Variants in ATXN3 observed in about 807,000 individuals in gnomAD.
The protein encoded by ATXN3 is ataxin 3, also known as ataxin-3.
Under a neutral mutation model 58.2 loss-of-function variants are expected in ATXN3, and 28 were observed. The observed-to-expected ratio is 0.48, with a 90% CI of 0.36 to 0.66. The LOEUF is 0.66. Among genes scored for constraint, ATXN3 ranks in the 30% least tolerant of loss-of-function variants. ATXN3 has a pLI of 0.00. For missense variants in ATXN3, 321 were observed against 422.1 expected (o/e 0.76, Z 2.10); for synonymous variants, 113 against 138.5 (o/e 0.82, Z 1.29).
At chr14:92,104,120 G>A (rs1347826455) in intron 1 of ATXN3, among the ~76,000 whole-genome samples, 1 of 152,208 alleles carries the variant, frequency 6.6e-6, no homozygotes, top group Non-Finnish European at 1.5e-5. Context: ...TACACATGCT[G>A]ATAATTAAGA....
chr14:92,083,705 A>G (rs1425632165), intron 6 of ATXN3, among the ~76,000 whole-genome samples: 1 of 152,102 alleles, frequency 6.6e-6, no homozygotes, highest in African/African-American at 2.4e-5. Context: ...CCTTCCTGTG[A>G]TGGTTAATAT....
Position 92,060,268 on chromosome 14 carries a change from A to ATTTTTT in ATXN3, c.*4051_*4052insAAAAAA, listed in dbSNP as rs1449511510. 1.6e-4 allele frequency: 17 copies of ATTTTTT among 105,180 alleles called. No individual in the cohort carries two copies. The highest frequency in any genetic ancestry group is 4.6e-4 in the East Asian group (2 of 4,340). 6.5% of individuals were successfully genotyped at this position (105,180 alleles called of 1,614,324 possible). A position where few individuals can be genotyped will look rare whatever the true frequency, so the allele number is the denominator to read the frequency against. On this transcript the variant is annotated 3_prime_UTR_variant, in exon 11 of 11. Coordinates refer to ENST00000644486, the MANE Select transcript of ATXN3 (RefSeq NM_004993.6). The stretch of plus-strand genomic sequence containing the variant: ...TACACACATATATATATATATATAT[A>ATTTTTT]TATTTTTTTTTTTCAGAAACAGTGT...
At chr14:92,096,430 C>G in intron 2 of ATXN3, 1 of 861,094 alleles carries the variant, frequency 1.2e-6, no homozygotes, top group Non-Finnish European at 1.7e-6. Flanking sequence ...TGAGACCAAC[C>G]TGACCAACAT....
At chr14:92,045,804 A>G (rs2057424906) in intron 2 of ATXN3, among the ~76,000 whole-genome samples, 1 of 152,180 alleles carries the variant, frequency 6.6e-6, no homozygotes, top group South Asian at 2.1e-4. Context: ...GTGTGAGAAG[A>G]GATTGATAGG....
At chr14:92,046,818 C>T (rs969899103) in intron 2 of ATXN3, among the ~76,000 whole-genome samples, 5 of 152,128 alleles carry the variant, frequency 3.3e-5, no homozygotes, top group Non-Finnish European at 7.3e-5. Context: ...CAGACATGAT[C>T]AGCAGGGAGA....
intron 1 of ATXN3, among the ~76,000 whole-genome samples, chr14:92,106,131 G>A (rs1359545252): frequency 1.3e-5 from 2 of 152,190 alleles, no homozygotes; most frequent in Non-Finnish European, 2.9e-5. Flanking sequence ...GGGTAGGAGG[G>A]GTTGAGGGAG....
chr14:92,071,026 C>CTGCTGCTGCTGCTGCTGCTGCTGCTGA lies in ATXN3; in HGVS notation c.899_900insTCAGCAGCAGCAGCAGCAGCAGCAGCA (p.Gln299_Gln300insHisGlnGlnGlnGlnGlnGlnGlnGln). On this transcript the variant is annotated inframe_insertion, in exon 10 of 11. Transcript: ENST00000644486. ...ATAGGTCCCCCTGCTGCTGCTGCTG[C>CTGCTGCTGCTGCTGCTGCTGCTGCTGA]TGCTGCTGTTGCTGCTTTTGCTGCT... 1.2e-6 allele frequency: 2 copies of CTGCTGCTGCTGCTGCTGCTGCTGCTGA among 1,610,114 alleles called. No homozygotes were observed. Among genetic ancestry groups the CTGCTGCTGCTGCTGCTGCTGCTGCTGA allele is most frequent in the Non-Finnish European group, 1.7e-6 (2 of 1,178,938 alleles).
intron 10 of ATXN3, among the ~76,000 whole-genome samples, chr14:92,068,857 T>C (rs1406857202): frequency 2.0e-5 from 3 of 151,624 alleles, no homozygotes; most frequent in Non-Finnish European, 2.9e-5. Flanking sequence ...CCCAAAGTGC[T>C]GGGATTACAC....
chr14:92,071,278 A>C (rs1284577890), intron 9 of ATXN3: 1 of 775,358 alleles, frequency 1.3e-6, no homozygotes, highest in Non-Finnish European at 2.2e-6. Flanking sequence ...AGACAAATTA[A>C]GAGGTAGGTA....
intron 10 of ATXN3, among the ~76,000 whole-genome samples, chr14:92,069,094 T>TTTTTTTC (rs1208240934): frequency 1.3e-5 from 2 of 151,924 alleles, no homozygotes; most frequent in African/African-American, 2.4e-5. Flanking sequence ...TTTTTTTTTT[T>TTTTTTTC]TGAGAAGGAG....
intron 9 of ATXN3, chr14:92,079,494 T>C (rs1205831605): frequency 1.1e-6 from 1 of 942,236 alleles, no homozygotes; most frequent in East Asian, 1.2e-4. Context: ...GAAAAAAAGG[T>C]AAATATTTTC....
chr14:92,105,053 A>G (rs1465082497), intron 1 of ATXN3, among the ~76,000 whole-genome samples: 1 of 152,202 alleles, frequency 6.6e-6, no homozygotes, highest in African/African-American at 2.4e-5. Flanking sequence ...TATACGACTG[A>G]GTCCTTCCTC....
At chr14:92,081,957 G>T in intron 8 of ATXN3, among the ~76,000 whole-genome samples, 1 of 152,126 alleles carries the variant, frequency 6.6e-6, no homozygotes, top group East Asian at 1.9e-4. Context: ...CCCTGTCCAG[G>T]CCCTTCCATA....
chr14:92,087,219 C>CACT (rs1203809295), intron 6 of ATXN3, among the ~76,000 whole-genome samples: 2 of 152,142 alleles, frequency 1.3e-5, no homozygotes, highest in African/African-American at 4.8e-5. Context: ...GGTGGTACAT[C>CACT]ACTAAGAAAA....
chr14:92,052,312 T>C (rs2057451572), upstream of ATXN3, among the ~76,000 whole-genome samples: 1 of 151,528 alleles, frequency 6.6e-6, no homozygotes, highest in African/African-American at 2.4e-5. Flanking sequence ...CTGACCAACA[T>C]GGAGAAACCC....
chr14:92,096,868 G>A (rs371441035), intron 1 of ATXN3, 30 bp from the exon 2 acceptor site: 338 of 1,594,882 alleles, frequency 2.1e-4, no homozygotes, highest in Non-Finnish European at 2.8e-4. Context: ...AAATTAAAAT[G>A]TGACTTGTTA....
At position 92,071,120 on chromosome 14, in the gene ATXN3, A is replaced by G. The variant is rs748088552; in HGVS notation, c.873-67T>C. On this transcript the variant is annotated intron_variant, in intron 9 of 10. Transcript: ENST00000644486. Reference sequence around the variant, plus strand: ...TAAAAGAATAAATACACCATGAGAAAAACTATTCATAAGGAAAATACATTG... The same window carrying G: ...TAAAAGAATAAATACACCATGAGAAGAACTATTCATAAGGAAAATACATTG... The G allele has an allele frequency of 8.5e-6, 13 of 1,527,820 alleles. No homozygotes were observed. The East Asian group carries it at 1.5e-4, about 17-fold the overall frequency. The allele number at this position is 1,527,820 out of a possible 1,614,324, so 94.6% of individuals were successfully genotyped here. A position where few individuals can be genotyped will look rare whatever the true frequency, so the allele number is the denominator to read the frequency against.
chr14:92,076,822 C>T lies in ATXN3; in HGVS notation c.872+4143G>A, dbSNP rs55724500. 2.5e-3 allele frequency among the ~76,000 whole-genome samples: 385 copies of T among 151,050 alleles called. 4 individuals are homozygous for T. The highest frequency in any genetic ancestry group is 0.012 in the East Asian group (63 of 5,068). ...AGGCATGGAGGCACTTGCCTGTAAC[C>T]GCAGCTACTTGGGAGGCTGAGGCAG... On this transcript the variant is annotated intron_variant, in intron 9 of 10. Coordinates refer to ENST00000644486, the MANE Select transcript of ATXN3 (RefSeq NM_004993.6).
At position 92,088,829 on chromosome 14, in the gene ATXN3, T is replaced by A; in HGVS notation, c.388-12A>T. 6.5e-7 allele frequency: 1 copy of A among 1,530,774 alleles called. No homozygotes were observed. Among genetic ancestry groups the A allele is most frequent in the Non-Finnish European group, 9.0e-7 (1 of 1,105,872 alleles). The allele number at this position is 1,530,774 out of a possible 1,614,324, so 94.8% of individuals were successfully genotyped here. On this transcript the variant is annotated splice_polypyrimidine_tract_variant and intron_variant, in intron 5 of 10. Coordinates refer to ENST00000644486, the MANE Select transcript of ATXN3 (RefSeq NM_004993.6). ...TTCAAGTTAAACCACTGGAAAAAAA[T>A]TGTCAATATTTAAGTTAGTGTATAT...
Sources: allele counts gnomAD v4.1 joint callset (sites outside exome capture counted in the v4.1 genomes callset), GRCh38; gene constraint gnomAD v4.1.1; transcripts MANE v1.5; gene names NCBI Gene and HGNC (gene_info 2026-07-23, HGNC 2026-07-21).